The following PLCXD2 variants were observed in gnomAD, a reference collection of about 807,000 sequenced individuals.
The protein encoded by PLCXD2 is PI-PLC X domain-containing protein 2.
Under a neutral mutation model 28.6 loss-of-function variants are expected in PLCXD2, and 21 were observed. The observed-to-expected ratio is 0.73, with a 90% CI of 0.52 to 1.06. The LOEUF is 1.06. PLCXD2 is among the 50% of genes least tolerant of loss of function. PLCXD2 has a pLI of 0.00. For synonymous variants in PLCXD2, 140 were observed against 150.1 expected (o/e 0.93, Z 0.49); for missense variants, 369 against 376.7 (o/e 0.98, Z 0.17).
chr3:111,698,025 C>A (rs1410334050), intron 1 of PLCXD2, among the ~76,000 whole-genome samples: 2 of 152,090 alleles, frequency 1.3e-5, no homozygotes, highest in Non-Finnish European at 2.9e-5. Flanking sequence ...TTTTTCCTAG[C>A]CCTAAATGTT....
intron 3 of PLCXD2, chr3:111,725,783 C>T (rs986687705): frequency 1.0e-5 from 4 of 398,428 alleles, no homozygotes; most frequent in Non-Finnish European, 1.3e-5. Context: ...AATTCAGGCT[C>T]ACCATTTGCC....
At chr3:111,694,385 G>C (rs1940932107) in intron 1 of PLCXD2, among the ~76,000 whole-genome samples, 1 of 152,188 alleles carries the variant, frequency 6.6e-6, no homozygotes, top group South Asian at 2.1e-4. Context: ...ACTGTGCTTA[G>C]AGGAGAGTGG....
intron 1 of PLCXD2, among the ~76,000 whole-genome samples, chr3:111,691,900 G>A (rs536222034): frequency 6.6e-6 from 1 of 152,292 alleles, no homozygotes; most frequent in African/African-American, 2.4e-5. Flanking sequence ...GCCCAGCCTG[G>A]CATTAGGTAC....
chr3:111,685,571 C>T (rs551870278), intron 1 of PLCXD2, among the ~76,000 whole-genome samples: 1 of 152,314 alleles, frequency 6.6e-6, no homozygotes, highest in East Asian at 1.9e-4. Context: ...GTAACTTTTT[C>T]TCCTACCCTA....
At chr3:111,702,339 A>G (rs1307027099) in intron 1 of PLCXD2, among the ~76,000 whole-genome samples, 2 of 152,146 alleles carry the variant, frequency 1.3e-5, no homozygotes, top group Non-Finnish European at 2.9e-5. Flanking sequence ...TAGCAACAGA[A>G]GGAGAGAAAG....
intron 1 of PLCXD2, among the ~76,000 whole-genome samples, chr3:111,688,775 A>C (rs1940832831): frequency 6.6e-6 from 1 of 152,228 alleles, no homozygotes; most frequent in African/African-American, 2.4e-5. Flanking sequence ...CAACAAAGTT[A>C]CTTAAGAATT....
intron 3 of PLCXD2, among the ~76,000 whole-genome samples, chr3:111,715,099 T>C (rs1488710828): frequency 6.6e-6 from 1 of 152,182 alleles, no homozygotes; most frequent in East Asian, 1.9e-4. Flanking sequence ...ACAGCAGGAC[T>C]AGATTTTTCT....
At chr3:111,714,976 C>T (rs944158893) in intron 3 of PLCXD2, among the ~76,000 whole-genome samples, 2 of 152,150 alleles carry the variant, frequency 1.3e-5, no homozygotes, top group East Asian at 1.9e-4. Context: ...TTCAGGTTGA[C>T]GAGCAGAGTT....
intron 1 of PLCXD2, among the ~76,000 whole-genome samples, chr3:111,699,370 CT>C (rs1481617010): frequency 6.6e-6 from 1 of 152,120 alleles, no homozygotes; most frequent in Non-Finnish European, 1.5e-5. Context: ...GCTTTAAATT[CT>C]TTTTATTTGA....
Position 111,675,276 on chromosome 3 carries a change from C to G in PLCXD2, c.31C>G (p.Leu11Val). The G allele has an allele frequency of 6.2e-7, 1 of 1,614,090 alleles. No individual in the cohort carries two copies. The highest frequency in any genetic ancestry group is 8.5e-7 in the Non-Finnish European group (1 of 1,180,002). Residue 11 changes from leucine (L) to valine (V), a missense_variant, in exon 1 of 5, where the codon CTC (leucine) becomes GTC (valine). Leu to Val is a conservative substitution (Grantham distance 32). Transcript: ENST00000477665. ...AGCAGTTAGGAAGGCCAGGAGGAAA[C>G]TCAGGATGGGGACCATCTGCTCCCC...
chr3:111,718,664 G>T (rs1197867485), intron 3 of PLCXD2, among the ~76,000 whole-genome samples: 1 of 152,122 alleles, frequency 6.6e-6, no homozygotes, highest in Non-Finnish European at 1.5e-5. Context: ...ATGCTACCAA[G>T]GCCTGAACAG....
chr3:111,693,994 T>C (rs1940925281), intron 1 of PLCXD2, among the ~76,000 whole-genome samples: 1 of 152,252 alleles, frequency 6.6e-6, no homozygotes, highest in Admixed American at 6.5e-5. Context: ...AATAATAGGC[T>C]ACCCCTTCAA....
intron 3 of PLCXD2, chr3:111,725,968 C>T (rs1941409755): frequency 7.5e-6 from 3 of 397,832 alleles, no homozygotes; most frequent in Non-Finnish European, 1.3e-5. Flanking sequence ...TCAGTGATGT[C>T]CAATACACTC....
chr3:111,704,661 G>A (rs1389465021), intron 1 of PLCXD2, among the ~76,000 whole-genome samples: 2 of 152,090 alleles, frequency 1.3e-5, no homozygotes, highest in African/African-American at 2.4e-5. Flanking sequence ...AGTGTAATTG[G>A]TATAACCATC....
At chr3:111,687,964 T>C (rs1157811097) in intron 1 of PLCXD2, among the ~76,000 whole-genome samples, 1 of 152,200 alleles carries the variant, frequency 6.6e-6, no homozygotes, top group Non-Finnish European at 1.5e-5. Flanking sequence ...TGAGCCACTG[T>C]GCCCAGCCTT....
chr3:111,695,073 C>T (rs9822709), intron 1 of PLCXD2, among the ~76,000 whole-genome samples: 6,628 of 147,458 alleles, frequency 0.045, 237 homozygotes, highest in African/African-American at 0.095. Context: ...TGTTGAATTT[C>T]TTAAAAATCA....
chr3:111,718,403 T>C lies in PLCXD2; in HGVS notation c.866+4275T>C, dbSNP rs568826544. On this transcript the variant is annotated intron_variant, in intron 3 of 4. Transcript: ENST00000477665. ...TGGCGTGAACCCGGGAGACGGAGCT[T>C]GCAGTGAGCCAAGATCGCGCCTCTG... 1.9e-3 allele frequency among the ~76,000 whole-genome samples: 282 copies of C among 151,820 alleles called. 2 individuals carry two copies. Among genetic ancestry groups the C allele is most frequent in the Middle Eastern group, 6.8e-3 (2 of 294 alleles).
chr3:111,712,343 G>A (rs1941210333), intron 2 of PLCXD2, among the ~76,000 whole-genome samples: 1 of 152,194 alleles, frequency 6.6e-6, no homozygotes, highest in African/African-American at 2.4e-5. Context: ...TCCTGTCACA[G>A]GGCTGCACCG....
At chr3:111,710,238 G>A (rs890375286) in intron 2 of PLCXD2, among the ~76,000 whole-genome samples, 1 of 152,180 alleles carries the variant, frequency 6.6e-6, no homozygotes, top group East Asian at 1.9e-4. Flanking sequence ...ACTTTTGTAA[G>A]TGATATTTTG....
Sources: gnomAD v4.1 joint callset for allele counts (sites outside exome capture counted in the v4.1 genomes callset) on GRCh38, gnomAD v4.1.1 for gene constraint, MANE v1.5 for transcripts, NCBI Gene and HGNC (gene_info 2026-07-23, HGNC 2026-07-21) for gene names.